PACRG: variants seen among roughly 807,000 people sequenced by gnomAD.
PACRG encodes parkin coregulated, also known as parkin coregulated gene protein.
In PACRG, 29 loss-of-function variants were observed where a neutral mutation model predicts 29.7. The ratio of observed to expected loss-of-function variants is 0.98; its 90% confidence interval spans 0.73 to 1.33. PACRG has a LOEUF of 1.33. Ranked by LOEUF, PACRG falls within the 40% of genes most tolerant of loss-of-function variation. The pLI is 0.00. For missense variants in PACRG, 279 were observed against 316.2 expected, an observed-to-expected ratio of 0.88 and a Z score of 0.89; for synonymous variants, 116 against 118.7, an observed-to-expected ratio of 0.98 and a Z score of 0.15.
At chr6:162,949,084 A>G (rs1007297283) in intron 2 of PACRG, among the ~76,000 whole-genome samples, 1 of 152,164 alleles carries the variant, frequency 6.6e-6, no homozygotes, top group Non-Finnish European at 1.5e-5. Context: ...CACAACAGCT[A>G]TGAATCAGCC....
At chr6:162,775,700 C>T (rs2128307791) in intron 1 of PACRG, among the ~76,000 whole-genome samples, 1 of 152,214 alleles carries the variant, frequency 6.6e-6, no homozygotes. Context: ...GATGTTTTAT[C>T]TTCACTTCTG....
At chr6:162,808,744 C>G (rs1438538779) in intron 1 of PACRG, among the ~76,000 whole-genome samples, 1 of 152,178 alleles carries the variant, frequency 6.6e-6, no homozygotes, top group African/African-American at 2.4e-5. Flanking sequence ...ATTGCCCCTA[C>G]CATTCAGGCA....
intron 2 of PACRG, among the ~76,000 whole-genome samples, chr6:162,955,454 C>CGGTG (rs1428495088): frequency 4.6e-5 from 7 of 152,054 alleles, no homozygotes; most frequent in African/African-American, 1.7e-4. Context: ...CACCTGCCAC[C>CGGTG]ACACCCGGCT....
intron 2 of PACRG, among the ~76,000 whole-genome samples, chr6:162,928,783 A>T (rs1263351844): frequency 6.6e-6 from 1 of 151,658 alleles, no homozygotes; most frequent in Non-Finnish European, 1.5e-5. Context: ...CACTCTTTCC[A>T]ACCTCTGGTA....
intron 2 of PACRG, among the ~76,000 whole-genome samples, chr6:162,864,860 T>C (rs1016311097): frequency 2.4e-4 from 36 of 152,206 alleles, no homozygotes; most frequent in African/African-American, 8.4e-4. Flanking sequence ...AAGTTTCATA[T>C]ACTATTTTAT....
At chr6:162,751,586 A>G (rs1781519543) in intron 1 of PACRG, among the ~76,000 whole-genome samples, 1 of 152,114 alleles carries the variant, frequency 6.6e-6, no homozygotes, top group South Asian at 2.1e-4. Context: ...CTTAATTGTC[A>G]ATATCAAATA....
intron 4 of PACRG, among the ~76,000 whole-genome samples, chr6:163,309,494 C>T (rs931451902): frequency 5.3e-5 from 8 of 152,194 alleles, no homozygotes; most frequent in African/African-American, 1.9e-4. Context: ...GGAAGTAACA[C>T]AAACCATTGT....
chr6:163,048,683 A>G (rs1316913435), intron 2 of PACRG, among the ~76,000 whole-genome samples: 4 of 152,182 alleles, frequency 2.6e-5, no homozygotes, highest in Non-Finnish European at 5.9e-5. Flanking sequence ...AAGTAATTTC[A>G]TTAGGATTCA....
At chr6:163,108,294 C>T (rs1042770612) in intron 4 of PACRG, among the ~76,000 whole-genome samples, 4 of 152,040 alleles carry the variant, frequency 2.6e-5, no homozygotes, top group African/African-American at 9.7e-5. Flanking sequence ...GTCTGCTTGC[C>T]CTTCGCCTTC....
chr6:163,227,247 C>A (rs1781843164), intron 4 of PACRG, among the ~76,000 whole-genome samples: 1 of 152,050 alleles, frequency 6.6e-6, no homozygotes, highest in African/African-American at 2.4e-5. Flanking sequence ...TAGGAGCACG[C>A]ACATCACAAG....
At chr6:162,985,435 A>G (rs964999738) in intron 2 of PACRG, among the ~76,000 whole-genome samples, 2 of 152,104 alleles carry the variant, frequency 1.3e-5, no homozygotes, top group East Asian at 1.9e-4. Context: ...AACCACATAA[A>G]CGGAATTAAA....
At chr6:162,827,797 G>A (rs772838952) in intron 2 of PACRG, among the ~76,000 whole-genome samples, 1 of 151,804 alleles carries the variant, frequency 6.6e-6, no homozygotes. Context: ...CACCTCCTCT[G>A]CTCAGCCTCT....
At chr6:163,034,128 C>T (rs905290404) in intron 2 of PACRG, among the ~76,000 whole-genome samples, 61 of 152,056 alleles carry the variant, frequency 4.0e-4, no homozygotes, top group African/African-American at 1.5e-3. Flanking sequence ...GCAAGGCGCT[C>T]AGGGAGGCCA....
intron 1 of PACRG, among the ~76,000 whole-genome samples, chr6:162,784,811 G>C (rs1784337717): frequency 6.6e-6 from 1 of 152,156 alleles, no homozygotes; most frequent in Non-Finnish European, 1.5e-5. Flanking sequence ...GAATGATAGT[G>C]TATGTTTGCT....
At chr6:163,150,352 C>G (rs1778029334) in intron 4 of PACRG, among the ~76,000 whole-genome samples, 3 of 152,300 alleles carry the variant, frequency 2.0e-5, no homozygotes, top group Admixed American at 2.0e-4. Context: ...CCCAGCAGGA[C>G]ACACCAGGCC....
At chr6:163,118,529 C>A (rs1816122557) in intron 4 of PACRG, among the ~76,000 whole-genome samples, 1 of 152,214 alleles carries the variant, frequency 6.6e-6, no homozygotes, top group Non-Finnish European at 1.5e-5. Context: ...TTTCTGGGTC[C>A]TTTAAAGGAA....
intron 2 of PACRG, among the ~76,000 whole-genome samples, chr6:162,858,140 A>G (rs545982771): frequency 3.3e-5 from 5 of 152,344 alleles, no homozygotes; most frequent in African/African-American, 1.2e-4. Flanking sequence ...TCACACTGCT[A>G]TAAAGAACTA....
chr6:163,108,712 C>T (rs778090006), intron 4 of PACRG, among the ~76,000 whole-genome samples: 5 of 152,132 alleles, frequency 3.3e-5, no homozygotes, highest in African/African-American at 4.8e-5. Context: ...TTACAAATTA[C>T]GCAGTCTTGG....
Position 163,295,834 on chromosome 6 carries a change from C to T in PACRG, c.614-18993C>T, listed in dbSNP as rs540474183. 2.6e-5 allele frequency among the ~76,000 whole-genome samples: 4 copies of T among 152,270 alleles called. No individual in the cohort carries two copies. In the South Asian group the frequency reaches 8.3e-4, roughly 32 times the overall value. Reference sequence around the variant, plus strand: ...TTTCCCATCTTCTTCAGCATCATGGCCAACCTCATAGAATTAAGGATTAAA... The same window carrying T: ...TTTCCCATCTTCTTCAGCATCATGGTCAACCTCATAGAATTAAGGATTAAA... On this transcript the variant is annotated intron_variant, in intron 4 of 4. Transcript: ENST00000366888.
Sources: gnomAD v4.1 joint callset for allele counts (sites outside exome capture counted in the v4.1 genomes callset) on GRCh38, gnomAD v4.1.1 for gene constraint, MANE v1.5 for transcripts, NCBI Gene and HGNC (gene_info 2026-07-23, HGNC 2026-07-21) for gene names.